The following PSMC6 variants were observed in gnomAD, a reference collection of about 807,000 sequenced individuals.
The protein encoded by PSMC6 is 26S proteasome regulatory subunit 10B.
In PSMC6, 3 loss-of-function variants were observed where a neutral mutation model predicts 55.9. The observed-to-expected ratio is 0.05, with a 90% CI of 0.02 to 0.14. The LOEUF (loss-of-function observed/expected upper bound fraction) is 0.14. PSMC6 is among the 10% of genes least tolerant of loss of function. The pLI is 1.00. For synonymous variants in PSMC6, 137 were observed against 155.9 expected, an observed-to-expected ratio of 0.88 and a Z score of 0.90; for missense variants, 210 against 478.7, an observed-to-expected ratio of 0.44 and a Z score of 5.24.
At chr14:52,710,899 G>A (rs2041764802) in intron 4 of PSMC6, 1 of 583,178 alleles carries the variant, frequency 1.7e-6, no homozygotes. Flanking sequence ...TACACAAAGG[G>A]GCATGCTTTT....
At chr14:52,714,628 G>A (rs1465325420) in intron 7 of PSMC6, among the ~76,000 whole-genome samples, 8 of 152,200 alleles carry the variant, frequency 5.3e-5, no homozygotes, top group South Asian at 4.2e-4. Flanking sequence ...TCGGGAGGCC[G>A]AGGCAGGCAG....
intron 12 of PSMC6, chr14:52,721,854 C>T (rs2041894253): frequency 6.6e-6 from 1 of 152,510 alleles, no homozygotes; most frequent in Non-Finnish European, 1.5e-5. Context: ...CAACTTCTGC[C>T]TCCCAAGTTC....
Position 52,723,979 on chromosome 14 carries a change from G to T in PSMC6, c.994G>T (p.Val332Leu), listed in dbSNP as rs1486874597. 1 of 1,613,900 alleles carries T rather than the reference G, an allele frequency of 6.2e-7. No individual in the cohort carries two copies. The highest frequency in any genetic ancestry group is 8.5e-7 in the Non-Finnish European group (1 of 1,179,856). The change falls in exon 13 of 14, where the codon GTG becomes TTG. Residue 332 changes from valine (V) to leucine (L), a missense_variant. This residue lies in a region of PSMC6 where 79 missense variants were observed against 158.7 expected (regional missense o/e 0.50). Coordinates refer to ENST00000445930, the MANE Select transcript of PSMC6 (RefSeq NM_002806.5). ...KHGEIDYEAI[V>L]KLSDGFNGAD... is the part of the protein sequence containing the mutation. ...TTTCTAAACAGATTATGAAGCAATT[G>T]TGAAGCTTTCGGATGGCTTTAATGG...
Position 52,711,578 on chromosome 14 carries a change from T to C in PSMC6, c.441+54T>C. 3 of 1,241,302 alleles carry C rather than the reference T, an allele frequency of 2.4e-6. No homozygotes were observed. In the South Asian group the frequency reaches 4.1e-5, roughly 17 times the overall value. 76.9% of individuals were successfully genotyped at this position (1,241,302 alleles called of 1,614,324 possible). ...CTTAGCTAATAAATACTACTAGTTTTAGGATTCTTAACAGGAGAAACAGGA... is the reference window on the plus strand; with the variant it reads ...CTTAGCTAATAAATACTACTAGTTTCAGGATTCTTAACAGGAGAAACAGGA... On this transcript the variant is annotated intron_variant, in intron 6 of 13. Coordinates refer to ENST00000445930, the MANE Select transcript of PSMC6 (RefSeq NM_002806.5).
At chr14:52,720,756 T>C in intron 10 of PSMC6, 105 bp from the exon 11 acceptor site, 1 of 870,704 alleles carries the variant, frequency 1.1e-6, no homozygotes, top group South Asian at 2.1e-5. Flanking sequence ...ATAGAACATA[T>C]CTATCTGTAG....
chr14:52,708,949 G>C (rs2041734981), intron 4 of PSMC6, 133 bp downstream of exon 4: 1 of 1,314,764 alleles, frequency 7.6e-7, no homozygotes, highest in South Asian at 1.5e-5. Context: ...TTCAGACATA[G>C]CTAGTTATTA....
At chr14:52,712,859 C>T (rs949124740) in intron 6 of PSMC6, among the ~76,000 whole-genome samples, 5 of 152,166 alleles carry the variant, frequency 3.3e-5, no homozygotes, top group Non-Finnish European at 5.9e-5. Flanking sequence ...TCAAGCCATC[C>T]TCCAGCCTTG....
intron 12 of PSMC6, 52 bp downstream of exon 12, chr14:52,721,242 A>G: frequency 3.6e-6 from 5 of 1,389,228 alleles, no homozygotes; most frequent in Non-Finnish European, 4.9e-6. Flanking sequence ...ATGAAGAAAA[A>G]TACTTTTAGA....
chr14:52,720,084 G>T (rs189919223), intron 10 of PSMC6, among the ~76,000 whole-genome samples: 1 of 151,896 alleles, frequency 6.6e-6, no homozygotes, highest in Non-Finnish European at 1.5e-5. Context: ...TTAGCTGGGC[G>T]TGGTGGCGTG....
chr14:52,708,707 G>A lies in PSMC6; in HGVS notation c.206-57G>A. 4.4e-6 allele frequency: 7 copies of A among 1,606,460 alleles called. No individual in the cohort carries two copies. In the South Asian group the frequency reaches 4.5e-5, roughly 10 times the overall value. ...ACAACTAAACCCTCTGTCAACGTGG[G>A]TATGTATTTTTTTACTTTCTATTTT... On this transcript the variant is annotated intron_variant, in intron 3 of 13. Coordinates refer to ENST00000445930, the MANE Select transcript of PSMC6 (RefSeq NM_002806.5).
intron 9 of PSMC6, 165 bp downstream of exon 9, chr14:52,718,517 G>A (rs1468066589): frequency 4.0e-6 from 3 of 744,872 alleles, no homozygotes; most frequent in Non-Finnish European, 6.1e-6. Context: ...GGCCGGGTGT[G>A]GTGGCTCATG....
At chr14:52,718,490 A>G in intron 9 of PSMC6, 138 bp downstream of exon 9, 10 of 998,170 alleles carry the variant, frequency 1.0e-5, no homozygotes, top group Non-Finnish European at 1.4e-5. Context: ...AACCAATTTT[A>G]ATAAATAACC....
At chr14:52,718,864 C>A in intron 9 of PSMC6, 113 bp from the exon 10 acceptor site, 1 of 821,860 alleles carries the variant, frequency 1.2e-6, no homozygotes, top group Non-Finnish European at 2.0e-6. Context: ...AATTCTTGCT[C>A]TTTAATTTTC....
rs751658528 is a variant in PSMC6 at position 52,708,833 on chromosome 14, G to A, written c.258+17G>A. The A allele has an allele frequency of 3.7e-6, 6 of 1,611,484 alleles. No individual in the cohort carries two copies. The East Asian group carries it at 6.7e-5, about 18-fold the overall frequency. ...CGTCGACAGGTAATACTTTATATTT[G>A]TATAGTGCCTGATGATTGACAAAGC... On this transcript the variant is annotated intron_variant, in intron 4 of 13. Transcript: ENST00000445930.
chr14:52,720,038 C>G (rs1451792690), intron 10 of PSMC6, among the ~76,000 whole-genome samples: 1 of 151,926 alleles, frequency 6.6e-6, no homozygotes, highest in African/African-American at 2.4e-5. Flanking sequence ...GCCTGACCAA[C>G]GTAGCGAAAC....
At position 52,708,373 on chromosome 14, in the gene PSMC6, A is replaced by G. The variant is rs781518881; in HGVS notation, c.150A>G (p.Leu50=). 1.9e-6 allele frequency: 3 copies of G among 1,613,562 alleles called. No homozygotes were observed. The highest frequency in any genetic ancestry group is 1.7e-6 in the Non-Finnish European group (2 of 1,179,590). ...AGTCTGAAAATGATCTGAAGGCCCTACAGAGTGTTGGGCAGGTAGGTGATG... is the reference window on the plus strand; with the variant it reads ...AGTCTGAAAATGATCTGAAGGCCCTGCAGAGTGTTGGGCAGGTAGGTGATG... ...YEKSENDLKA[L]QSVGQIVGEV... is the part of the protein sequence containing the mutation. Residue 50 remains leucine (L), a synonymous_variant, in exon 2 of 14, where the codon CTA becomes CTG. Coordinates refer to ENST00000445930, the MANE Select transcript of PSMC6 (RefSeq NM_002806.5).
At chr14:52,720,802 G>T in intron 10 of PSMC6, 59 bp from the exon 11 acceptor site, 1 of 1,368,370 alleles carries the variant, frequency 7.3e-7, no homozygotes, top group South Asian at 1.2e-5. Flanking sequence ...TATAAAAGGT[G>T]TGTGCTATTT....
At position 52,718,164 on chromosome 14, in the gene PSMC6, A is replaced by G. The variant is rs776597512; in HGVS notation, c.591+22A>G. On this transcript the variant is annotated intron_variant, in intron 8 of 13. Transcript: ENST00000445930. The stretch of plus-strand genomic sequence containing the variant: ...AAAGGTAAAGGGAAGATTATTTTGT[A>G]CTTATTGAAATTTAATTTTACTTGA... 4 of 1,611,400 alleles carry G rather than the reference A, an allele frequency of 2.5e-6. No individual in the cohort carries two copies. In the South Asian group the frequency reaches 3.3e-5, roughly 13 times the overall value.
intron 13 of PSMC6, among the ~76,000 whole-genome samples, chr14:52,726,549 T>C (rs1448601330): frequency 6.6e-6 from 1 of 152,168 alleles, no homozygotes; most frequent in Non-Finnish European, 1.5e-5. Flanking sequence ...GCTTAAAATG[T>C]GTATGTGTTG....
Sources: gnomAD v4.1 joint callset for allele counts (sites outside exome capture counted in the v4.1 genomes callset) on GRCh38, gnomAD v4.1.1 for gene constraint, gnomAD v4.1.1 regional missense constraint, MANE v1.5 for transcripts, NCBI Gene and HGNC (gene_info 2026-07-23, HGNC 2026-07-21) for gene names.